Variants in ADCY2 observed in about 807,000 individuals in gnomAD.
ADCY2 encodes adenylate cyclase type 2.
In ADCY2, 31 loss-of-function variants were observed where a neutral mutation model predicts 125.2. The ratio of observed to expected loss-of-function variants is 0.25; its 90% CI spans 0.19 to 0.33. The LOEUF (loss-of-function observed/expected upper bound fraction) is 0.33. ADCY2 is among the 10% of genes least tolerant of loss of function. The pLI is 1.00. For synonymous variants in ADCY2, 512 were observed against 548.4 expected, an observed-to-expected ratio of 0.93 and a Z score of 0.93; for missense variants, 904 against 1,418.2, an observed-to-expected ratio of 0.64 and a Z score of 5.82.
chr5:7,674,281 G>A (rs988881351), intron 4 of ADCY2, among the ~76,000 whole-genome samples: 2 of 152,208 alleles, frequency 1.3e-5, no homozygotes, highest in Non-Finnish European at 2.9e-5. Flanking sequence ...ATGGGAGGCT[G>A]GCGATTCAGT....
rs572836652 is a variant in ADCY2, at chr5:7,485,398, C to CA, written c.409-35333dup. Among the ~76,000 whole-genome samples, 18 of 151,430 alleles carry CA rather than the reference C, an allele frequency of 1.2e-4. No homozygotes were observed. The South Asian group carries it at 2.3e-3, about 19-fold the overall frequency. On this transcript the variant is annotated intron_variant, in intron 2 of 24. Coordinates refer to ENST00000338316, the MANE Select transcript of ADCY2 (RefSeq NM_020546.3). ...AGACATGAATGTAAAATTCGTGGAA[C>CA]AAAAAAAGCATGAAAAAATTAAGTT...
chr5:7,554,884 G>A lies in ADCY2; in HGVS notation c.570+33985G>A, dbSNP rs148942231. Among the ~76,000 whole-genome samples, 53 of 152,250 alleles carry A rather than the reference G, an allele frequency of 3.5e-4. No individual in the cohort carries two copies. The East Asian group carries it at 0.01, about 29-fold the overall frequency. On this transcript the variant is annotated intron_variant, in intron 3 of 24. Transcript: ENST00000338316. ...AGAGGTAAGTGACTATCCCCAGAAT[G>A]TGAAGGAACGGGAACTATGCTGTTT...
At chr5:7,824,168 C>T (rs1745391623) in intron 24 of ADCY2, among the ~76,000 whole-genome samples, 1 of 152,156 alleles carries the variant, frequency 6.6e-6, no homozygotes, top group Non-Finnish European at 1.5e-5. Flanking sequence ...ATAAGCTTCT[C>T]CTAGGCCTGA....
intron 2 of ADCY2, among the ~76,000 whole-genome samples, chr5:7,467,182 C>T (rs566453441): frequency 3.9e-5 from 6 of 152,286 alleles, no homozygotes; most frequent in East Asian, 1.9e-4. Flanking sequence ...ATAGTGGCTT[C>T]GAACCTGTGC....
At chr5:7,547,204 C>T (rs948384706) in intron 3 of ADCY2, among the ~76,000 whole-genome samples, 9 of 152,186 alleles carry the variant, frequency 5.9e-5, no homozygotes, top group African/African-American at 1.9e-4. Flanking sequence ...GGCTTTCTTA[C>T]TTGATTTATT....
chr5:7,762,387 A>T (rs1400135174), intron 16 of ADCY2, among the ~76,000 whole-genome samples: 1 of 152,210 alleles, frequency 6.6e-6, no homozygotes, highest in African/African-American at 2.4e-5. Context: ...ACACCTGAGG[A>T]TCTGCAGATG....
At chr5:7,730,735 G>A (rs752472152) in intron 14 of ADCY2, among the ~76,000 whole-genome samples, 1 of 151,972 alleles carries the variant, frequency 6.6e-6, no homozygotes, top group South Asian at 2.1e-4. Context: ...TTCTATTTTT[G>A]TTAATGAAGT....
intron 15 of ADCY2, among the ~76,000 whole-genome samples, chr5:7,755,344 A>AG (rs879610847): frequency 2.0e-5 from 3 of 152,056 alleles, no homozygotes; most frequent in African/African-American, 4.8e-5. Context: ...CGTCTCCCTC[A>AG]GGGGGGCATG....
At chr5:7,555,818 T>A (rs2126580209) in intron 3 of ADCY2, among the ~76,000 whole-genome samples, 1 of 150,794 alleles carries the variant, frequency 6.6e-6, no homozygotes, top group Non-Finnish European at 1.5e-5. Context: ...CTCAGGAAAA[T>A]CAGTGATCTC....
At chr5:7,620,871 T>C (rs1737930689) in intron 3 of ADCY2, among the ~76,000 whole-genome samples, 1 of 151,876 alleles carries the variant, frequency 6.6e-6, no homozygotes, top group African/African-American at 2.4e-5. Flanking sequence ...ACTTTTCTCC[T>C]TTGACACTGT....
intron 3 of ADCY2, among the ~76,000 whole-genome samples, chr5:7,546,480 CAG>C: frequency 6.6e-6 from 1 of 152,302 alleles, no homozygotes; most frequent in East Asian, 1.9e-4. Flanking sequence ...CCAGGGCACA[CAG>C]TGTGGAAGTG....
intron 22 of ADCY2, among the ~76,000 whole-genome samples, chr5:7,807,732 C>A (rs1744798176): frequency 6.6e-6 from 1 of 152,320 alleles, no homozygotes; most frequent in African/African-American, 2.4e-5. Flanking sequence ...TGCTTTCTAA[C>A]ACTACTGCCA....
At chr5:7,772,840 G>A (rs1743595046) in intron 17 of ADCY2, 92 bp from the exon 18 acceptor site, 1 of 1,270,508 alleles carries the variant, frequency 7.9e-7, no homozygotes, top group South Asian at 1.4e-5. Flanking sequence ...ATGTTGACCA[G>A]ATGAGATGGG....
intron 14 of ADCY2, among the ~76,000 whole-genome samples, chr5:7,738,122 A>C (rs1742301921): frequency 1.3e-5 from 2 of 152,310 alleles, no homozygotes; most frequent in South Asian, 4.1e-4. Flanking sequence ...ACTTTATGAG[A>C]GAGTATAAAA....
At chr5:7,646,284 A>C (rs1738892082) in intron 4 of ADCY2, among the ~76,000 whole-genome samples, 1 of 151,316 alleles carries the variant, frequency 6.6e-6, no homozygotes, top group Non-Finnish European at 1.5e-5. Context: ...GTATTGAGGT[A>C]ATGGACATAT....
At chr5:7,808,123 A>C (rs1168059587) in intron 22 of ADCY2, among the ~76,000 whole-genome samples, 4 of 152,158 alleles carry the variant, frequency 2.6e-5, no homozygotes, top group South Asian at 4.1e-4. Flanking sequence ...CAACTTTCAC[A>C]GAAGGCTTTC....
At chr5:7,657,110 C>T (rs183372569) in intron 4 of ADCY2, among the ~76,000 whole-genome samples, 2 of 152,072 alleles carry the variant, frequency 1.3e-5, no homozygotes, top group East Asian at 3.9e-4. Flanking sequence ...GGGTCCTATC[C>T]CCAAGATATC....
chr5:7,501,558 C>T (rs1169324456), intron 2 of ADCY2, among the ~76,000 whole-genome samples: 1 of 144,004 alleles, frequency 6.9e-6, no homozygotes, highest in Non-Finnish European at 1.5e-5. Context: ...TTTTAGGAAA[C>T]TCAGTGGATG....
intron 4 of ADCY2, among the ~76,000 whole-genome samples, chr5:7,672,885 G>T (rs1739980422): frequency 6.6e-6 from 1 of 151,948 alleles, no homozygotes; most frequent in Non-Finnish European, 1.5e-5. Flanking sequence ...CTTTACAGGG[G>T]TGGTATGCCA....
Sources: gnomAD v4.1 joint callset for allele counts (sites outside exome capture counted in the v4.1 genomes callset) on GRCh38, gnomAD v4.1.1 for gene constraint, MANE v1.5 for transcripts, NCBI Gene and HGNC (gene_info 2026-07-23, HGNC 2026-07-21) for gene names.